The following KCNIP4 variants were observed in gnomAD, a reference collection of about 807,000 sequenced individuals.
KCNIP4 encodes potassium voltage-gated channel interacting protein 4.
KCNIP4 carries 12 observed loss-of-function variants against 34.0 expected under a neutral mutation model. The observed-to-expected ratio is 0.35, with a 90% CI of 0.23 to 0.57. The LOEUF (loss-of-function observed/expected upper bound fraction) is 0.57. Among genes scored for constraint, KCNIP4 ranks in the 20% least tolerant of loss-of-function variants. The probability of loss-of-function intolerance (pLI) is 0.83; values close to 1 mark genes in which losing one functional copy is unlikely to be tolerated. For synonymous variants in KCNIP4, 124 were observed against 102.2 expected, an observed-to-expected ratio of 1.21 and a Z score of -1.29; for missense variants, 238 against 311.7, an observed-to-expected ratio of 0.76 and a Z score of 1.78.
intron 1 of KCNIP4, among the ~76,000 whole-genome samples, chr4:21,507,831 C>T (rs778452216): frequency 1.3e-5 from 2 of 152,132 alleles, no homozygotes; most frequent in African/African-American, 2.4e-5. Flanking sequence ...TCCTAATTCT[C>T]GTCTAACAGC....
chr4:21,023,487 A>T (rs1260813819), intron 1 of KCNIP4, among the ~76,000 whole-genome samples: 1 of 152,208 alleles, frequency 6.6e-6, no homozygotes, highest in Non-Finnish European at 1.5e-5. Context: ...CAAAAGAAAG[A>T]TCACTCAATT....
At chr4:20,818,624 G>C (rs1716718689) in intron 3 of KCNIP4, among the ~76,000 whole-genome samples, 1 of 152,170 alleles carries the variant, frequency 6.6e-6, no homozygotes, top group Admixed American at 6.5e-5. Context: ...GTGTAGTGCT[G>C]TTGTGAGAGA....
intron 5 of KCNIP4, among the ~76,000 whole-genome samples, chr4:20,744,394 T>C (rs562010774): frequency 1.3e-5 from 2 of 151,512 alleles, no homozygotes; most frequent in East Asian, 1.9e-4. Flanking sequence ...ATTAAGAAAA[T>C]GTGGCACATA....
At chr4:21,640,740 A>T (rs1746555473) in intron 1 of KCNIP4, among the ~76,000 whole-genome samples, 1 of 152,116 alleles carries the variant, frequency 6.6e-6, no homozygotes, top group South Asian at 2.1e-4. Context: ...CAGCCTAGTA[A>T]CAGAATGACC....
At chr4:21,758,810 T>C (rs899245220) in intron 1 of KCNIP4, among the ~76,000 whole-genome samples, 1 of 152,138 alleles carries the variant, frequency 6.6e-6, no homozygotes, top group Non-Finnish European at 1.5e-5. Context: ...ATTGTCACTA[T>C]CAGCAGTAGA....
intron 1 of KCNIP4, among the ~76,000 whole-genome samples, chr4:21,220,580 TAAA>T (rs1006382105): frequency 6.6e-6 from 1 of 151,750 alleles, no homozygotes; most frequent in African/African-American, 2.4e-5. Flanking sequence ...ATAATAATAA[TAAA>T]GAAGTTCTCT....
At chr4:21,426,576 C>G (rs549618295) in intron 1 of KCNIP4, among the ~76,000 whole-genome samples, 2 of 151,828 alleles carry the variant, frequency 1.3e-5, no homozygotes, top group South Asian at 2.1e-4. Flanking sequence ...GCACCCTTTC[C>G]GAGGAGTATG....
chr4:21,872,289 G>A (rs779357553), intron 1 of KCNIP4, among the ~76,000 whole-genome samples: 1 of 152,044 alleles, frequency 6.6e-6, no homozygotes, highest in Non-Finnish European at 1.5e-5. Flanking sequence ...AAACGTGAAC[G>A]CCTGGCATTC....
intron 1 of KCNIP4, among the ~76,000 whole-genome samples, chr4:21,014,541 G>A (rs1739337364): frequency 6.6e-6 from 1 of 152,170 alleles, no homozygotes; most frequent in Non-Finnish European, 1.5e-5. Context: ...TTTTATTATG[G>A]AAATGCAAAT....
At chr4:21,723,431 T>C (rs894738864) in intron 1 of KCNIP4, among the ~76,000 whole-genome samples, 2 of 152,132 alleles carry the variant, frequency 1.3e-5, no homozygotes, top group African/African-American at 4.8e-5. Flanking sequence ...AATCACATGT[T>C]AGGCCTTCAC....
intron 1 of KCNIP4, among the ~76,000 whole-genome samples, chr4:21,614,548 C>T (rs945689681): frequency 2.7e-5 from 4 of 147,448 alleles, no homozygotes; most frequent in African/African-American, 7.4e-5. Flanking sequence ...CTATTTAATG[C>T]ATATTAAATC....
rs544580403 is a variant in KCNIP4, at chr4:20,815,794, G to A, written c.288+34749C>T. Among the ~76,000 whole-genome samples, 94 of 152,214 alleles carry A rather than the reference G, an allele frequency of 6.2e-4. 1 individual carries two copies. Among genetic ancestry groups the A allele is most frequent in the African/African-American group, 2.2e-3 (93 of 41,540 alleles). ...CATGTATCACACCCCTTTGAAAAACGCAACAGTATTTTCAGCTAGTCATCA... is the reference window on the plus strand; with the variant it reads ...CATGTATCACACCCCTTTGAAAAACACAACAGTATTTTCAGCTAGTCATCA... On this transcript the variant is annotated intron_variant, in intron 3 of 8. Coordinates refer to ENST00000382152, the MANE Select transcript of KCNIP4 (RefSeq NM_025221.6).
chr4:21,546,622 A>G (rs185692803), intron 1 of KCNIP4, among the ~76,000 whole-genome samples: 1 of 152,270 alleles, frequency 6.6e-6, no homozygotes, highest in African/African-American at 2.4e-5. Flanking sequence ...ATATTATTTC[A>G]TAATTATACT....
Position 21,550,401 on chromosome 4 carries a change from C to T in KCNIP4, c.61+398170G>A, listed in dbSNP as rs532082760. ...AGGGAGCTCTTTTTCACCGAAGTCC[C>T]CATGGTCACAACAAATTAGATTAGA... is the stretch of plus-strand genomic sequence containing the variant. On this transcript the variant is annotated intron_variant, in intron 1 of 8. Coordinates refer to ENST00000382152, the MANE Select transcript of KCNIP4 (RefSeq NM_025221.6). Among the ~76,000 whole-genome samples the T allele has an allele frequency of 1.3e-5, 2 of 152,152 alleles. 1 individual carries two copies. The highest frequency in any genetic ancestry group is 4.2e-4 in the South Asian group (2 of 4,818).
intron 1 of KCNIP4, among the ~76,000 whole-genome samples, chr4:21,425,905 T>A (rs577648328): frequency 2.6e-4 from 40 of 151,874 alleles, no homozygotes; most frequent in Middle Eastern, 3.4e-3. Flanking sequence ...ATACAAAAAA[T>A]TAGCTGTTTG....
chr4:21,028,535 T>G (rs1451464082), intron 1 of KCNIP4, among the ~76,000 whole-genome samples: 1 of 152,202 alleles, frequency 6.6e-6, no homozygotes, highest in Non-Finnish European at 1.5e-5. Context: ...GAGTGAAAAG[T>G]AAACATGATT....
intron 1 of KCNIP4, among the ~76,000 whole-genome samples, chr4:21,815,744 T>G (rs1005684337): frequency 6.6e-6 from 1 of 152,152 alleles, no homozygotes; most frequent in Non-Finnish European, 1.5e-5. Context: ...ATTATTCTAG[T>G]ATACTTTTTA....
At chr4:21,935,093 T>C (rs1729781873) in intron 1 of KCNIP4, among the ~76,000 whole-genome samples, 1 of 152,014 alleles carries the variant, frequency 6.6e-6, no homozygotes, top group Non-Finnish European at 1.5e-5. Context: ...CCTAGGTGCA[T>C]GTCCTTGACT....
chr4:21,119,701 C>A (rs966945239), intron 1 of KCNIP4, among the ~76,000 whole-genome samples: 1 of 150,912 alleles, frequency 6.6e-6, no homozygotes, highest in Non-Finnish European at 1.5e-5. Flanking sequence ...TCTTTCTCTC[C>A]AACATTGATA....
Sources: gnomAD v4.1 joint callset for allele counts (sites outside exome capture counted in the v4.1 genomes callset) on GRCh38, gnomAD v4.1.1 for gene constraint, MANE v1.5 for transcripts, NCBI Gene and HGNC (gene_info 2026-07-23, HGNC 2026-07-21) for gene names.